KLF12: variants seen among roughly 807,000 people sequenced by gnomAD.
The protein encoded by KLF12 is Krueppel-like factor 12.
A neutral mutation model predicts 37.8 loss-of-function variants in KLF12; 9 were observed. The ratio of observed to expected loss-of-function variants is 0.24; its 90% CI spans 0.14 to 0.42. The LOEUF (loss-of-function observed/expected upper bound fraction) is 0.42. KLF12 is among the 10% of genes least tolerant of loss of function. The probability of loss-of-function intolerance (pLI) is 1.00; values close to 1 mark genes in which losing one functional copy is unlikely to be tolerated. For missense variants in KLF12, 411 were observed against 516.0 expected (o/e 0.80, Z 1.97); for synonymous variants, 208 against 202.1 (o/e 1.03, Z -0.25).
intron 4 of KLF12, among the ~76,000 whole-genome samples, chr13:73,830,662 T>C (rs947739074): frequency 1.3e-5 from 2 of 152,200 alleles, no homozygotes; most frequent in Non-Finnish European, 2.9e-5. Context: ...TCTTTATTTT[T>C]GTAGTTTCCC....
At chr13:73,848,727 A>C (rs565930463) in intron 3 of KLF12, among the ~76,000 whole-genome samples, 8 of 152,142 alleles carry the variant, frequency 5.3e-5, no homozygotes, top group Non-Finnish European at 1.0e-4. Flanking sequence ...TGGCTTTTGC[A>C]TGAGCTCAAA....
At chr13:74,295,962 C>T in the KLF12 span, among the ~76,000 whole-genome samples, 10 of 151,858 alleles carry the variant, frequency 6.6e-5, no homozygotes, top group Non-Finnish European at 1.0e-4. Context: ...GATAGACATG[C>T]GCCTCCCTGA....
chr13:74,103,291 C>A (rs1566213642), intron 1 of KLF12, among the ~76,000 whole-genome samples: 2 of 152,192 alleles, frequency 1.3e-5, no homozygotes, highest in African/African-American at 4.8e-5. Flanking sequence ...TAAAACATTT[C>A]TTAAAATAGG....
At chr13:73,891,312 G>C (rs147571736) in intron 3 of KLF12, among the ~76,000 whole-genome samples, 1 of 151,986 alleles carries the variant, frequency 6.6e-6, no homozygotes, top group South Asian at 2.1e-4. Context: ...AGAAAATGTA[G>C]ATTTCTACTC....
chr13:74,131,104 T>G (rs1251762413), intron 1 of KLF12, among the ~76,000 whole-genome samples: 1 of 152,226 alleles, frequency 6.6e-6, no homozygotes, highest in Non-Finnish European at 1.5e-5. Flanking sequence ...CCTAGAGGCC[T>G]AAGCACTTAC....
chr13:73,832,305 G>A (rs1032264579), intron 4 of KLF12, among the ~76,000 whole-genome samples: 17 of 151,976 alleles, frequency 1.1e-4, no homozygotes, highest in Middle Eastern at 3.4e-3. Context: ...TCCAACTTTC[G>A]CCTCAAATGC....
the KLF12 span, among the ~76,000 whole-genome samples, chr13:74,279,784 T>G: frequency 6.6e-6 from 1 of 152,172 alleles, no homozygotes; most frequent in Non-Finnish European, 1.5e-5. Flanking sequence ...TAATGGACAT[T>G]GTCAAGTGTT....
chr13:74,274,977 A>G, the KLF12 span, among the ~76,000 whole-genome samples: 21 of 152,246 alleles, frequency 1.4e-4, 1 homozygote, highest in Non-Finnish European at 2.5e-4. Flanking sequence ...GAGCCTGTTT[A>G]CACCCCAAGA....
At chr13:73,903,375 C>T (rs1455619159) in intron 3 of KLF12, among the ~76,000 whole-genome samples, 1 of 151,528 alleles carries the variant, frequency 6.6e-6, no homozygotes, top group Admixed American at 6.6e-5. Flanking sequence ...GTAAGTAAAA[C>T]AGTACAAGGG....
At chr13:74,100,974 C>T (rs188553106) in intron 1 of KLF12, among the ~76,000 whole-genome samples, 1 of 152,244 alleles carries the variant, frequency 6.6e-6, no homozygotes, top group Admixed American at 6.5e-5. Flanking sequence ...ATCTCATCAA[C>T]CAGGGAAAAT....
intron 5 of KLF12, among the ~76,000 whole-genome samples, chr13:73,778,301 T>C (rs981437550): frequency 3.9e-5 from 6 of 152,144 alleles, no homozygotes; most frequent in African/African-American, 1.4e-4. Flanking sequence ...AACACAAGTG[T>C]TTTCCTAAAG....
chr13:73,720,157 A>G (rs932792707), intron 6 of KLF12, among the ~76,000 whole-genome samples: 1 of 151,640 alleles, frequency 6.6e-6, no homozygotes, highest in Non-Finnish European at 1.5e-5. Context: ...TGAGAGAAAG[A>G]CCCTTACTCC....
intron 2 of KLF12, among the ~76,000 whole-genome samples, chr13:73,950,573 C>T (rs1213072933): frequency 1.3e-5 from 2 of 152,146 alleles, no homozygotes; most frequent in East Asian, 3.8e-4. Context: ...CTCTACTTGC[C>T]CGTCATTCCA....
intron 7 of KLF12, among the ~76,000 whole-genome samples, chr13:73,699,768 T>C (rs960869843): frequency 3.3e-5 from 5 of 152,214 alleles, no homozygotes; most frequent in African/African-American, 1.2e-4. Flanking sequence ...AAGATGGCTA[T>C]TTTAAAGGCA....
At chr13:74,253,033 A>G in the KLF12 span, among the ~76,000 whole-genome samples, 3 of 151,256 alleles carry the variant, frequency 2.0e-5, no homozygotes, top group Admixed American at 2.0e-4. Context: ...CTGTCTGTCT[A>G]TCTACCTATC....
chr13:73,893,467 C>T (rs770282564), intron 3 of KLF12, among the ~76,000 whole-genome samples: 6 of 151,012 alleles, frequency 4.0e-5, no homozygotes, highest in South Asian at 2.1e-4. Context: ...CCACAACCTC[C>T]GCCTCCCAGG....
At chr13:74,304,635 G>A in the KLF12 span, among the ~76,000 whole-genome samples, 388 of 152,170 alleles carry the variant, frequency 2.5e-3, no homozygotes, top group African/African-American at 7.9e-3. Context: ...AAGAAAGGAC[G>A]ATAATTTCAT....
intron 5 of KLF12, among the ~76,000 whole-genome samples, chr13:73,787,859 G>A (rs1881450868): frequency 6.6e-6 from 1 of 151,760 alleles, no homozygotes; most frequent in Admixed American, 6.6e-5. Flanking sequence ...CATGACTACT[G>A]TGACAACTTT....
chr13:73,867,934 T>C (rs1015155653), intron 3 of KLF12, among the ~76,000 whole-genome samples: 5 of 150,548 alleles, frequency 3.3e-5, no homozygotes. Context: ...GGCAGGAGAA[T>C]CGCTTGAACC....
Sources: allele counts gnomAD v4.1 joint callset (sites outside exome capture counted in the v4.1 genomes callset), GRCh38; gene constraint gnomAD v4.1.1; transcripts MANE v1.5; gene names NCBI Gene and HGNC (gene_info 2026-07-23, HGNC 2026-07-21).